GSR: variants seen among roughly 807,000 people sequenced by gnomAD.
GSR encodes glutathione reductase, mitochondrial.
A neutral mutation model predicts 56.5 loss-of-function variants in GSR; 48 were observed. The ratio of observed to expected loss-of-function variants is 0.85; its 90% CI spans 0.67 to 1.08. GSR has a LOEUF of 1.08. Among genes scored for constraint, GSR ranks in the 50% least tolerant of loss-of-function variants. The pLI is 0.00. For missense variants in GSR, 694 were observed against 703.3 expected (o/e 0.99, Z 0.15); for synonymous variants, 264 against 270.8 (o/e 0.97, Z 0.25).
chr8:30,705,557 C>A (rs1038860508), intron 4 of GSR, among the ~76,000 whole-genome samples: 1 of 151,994 alleles, frequency 6.6e-6, no homozygotes, highest in South Asian at 2.1e-4. Flanking sequence ...CCACCGCGCC[C>A]GGCCTCTACA....
intron 9 of GSR, among the ~76,000 whole-genome samples, chr8:30,684,755 T>C (rs1803095574): frequency 6.6e-6 from 1 of 151,906 alleles, no homozygotes; most frequent in Non-Finnish European, 1.5e-5. Flanking sequence ...TATGTTTATT[T>C]AGTTTTTTTT....
Position 30,727,783 on chromosome 8 carries a change from CG to C in GSR, c.52del (p.Arg18GlyfsTer52). The stretch of plus-strand genomic sequence containing the variant: ...GAAGCCTCGGAAGGCGCGCGCCGCC[CG>C]CCGCCAGCTCGGTCCCGCGCCGGCG... ...LSAGAGPSWR[R>X]AARAFRGFLL... On this transcript the variant is annotated frameshift_variant, in exon 1 of 13. Transcript: ENST00000221130. LOFTEE classifies it high-confidence loss of function. 7.4e-7 allele frequency: 1 copy of C among 1,354,396 alleles called. No individual in the cohort carries two copies. Among genetic ancestry groups the C allele is most frequent in the South Asian group, 1.7e-5 (1 of 57,528 alleles). The allele number at this position is 1,354,396 out of a possible 1,614,324, so 83.9% of individuals were successfully genotyped here.
intron 1 of GSR, among the ~76,000 whole-genome samples, chr8:30,718,747 C>T (rs945580118): frequency 2.6e-5 from 4 of 151,914 alleles, no homozygotes; most frequent in Non-Finnish European, 5.9e-5. Flanking sequence ...GGATAAGAAA[C>T]AAGTTTCTTT....
At chr8:30,695,718 A>G (rs1034441523) in intron 7 of GSR, among the ~76,000 whole-genome samples, 1 of 152,172 alleles carries the variant, frequency 6.6e-6, no homozygotes, top group South Asian at 2.1e-4. Context: ...ACATTACTTG[A>G]TCATATAAAA....
chr8:30,712,624 T>C (rs1804193361), intron 1 of GSR, among the ~76,000 whole-genome samples: 1 of 151,540 alleles, frequency 6.6e-6, no homozygotes, highest in Non-Finnish European at 1.5e-5. Context: ...CAGTAAGCCA[T>C]GATCATGATC....
At position 30,696,382 on chromosome 8, in the gene GSR, T is replaced by G; in HGVS notation, c.793A>C (p.Lys265Gln). ...GAAAAGAAAAAGGTGGCATTTACCTTATCATGCCGTATCATCAGTGATGTC... is the reference window on the plus strand; with the variant it reads ...GAAAAGAAAAAGGTGGCATTTACCTGATCATGCCGTATCATCAGTGATGTC... ...SKTSLMIRHD[K>Q]VLRSFDSMIS... Residue 265 changes from lysine (K) to glutamine (Q), a missense_variant and splice_region_variant, in exon 7 of 13, where the codon AAG becomes CAG. Physicochemically the swap from Lys to Gln is moderately conservative, Grantham distance 53 (BLOSUM62 1). Transcript: ENST00000221130. 6.4e-7 allele frequency: 1 copy of G among 1,572,228 alleles called. No homozygotes were observed. The highest frequency in any genetic ancestry group is 8.8e-7 in the Non-Finnish European group (1 of 1,141,812).
rs927040745 is a variant in GSR at position 30,689,235 on chromosome 8, T to G, written c.967A>C (p.Ile323Leu). 4 of 1,613,940 alleles carry G rather than the reference T, an allele frequency of 2.5e-6. No individual in the cohort carries two copies. Among genetic ancestry groups the G allele is most frequent in the Non-Finnish European group, 3.4e-6 (4 of 1,179,808 alleles). The change falls in exon 9 of 13, where the codon ATT (isoleucine) becomes CTT (leucine). Residue 323 changes from isoleucine (I) to leucine (L), a missense_variant. Transcript: ENST00000221130. The part of the protein sequence containing the change: ...VPGRLPVMTM[I>L]PDVDCLLWAI... ...CAGAGCAGGCAGTCAACATCTGGAA[T>G]CATGGTCATGACTGGTAGCCTACCG...
chr8:30,709,994 A>G, intron 2 of GSR, 92 bp from the exon 3 acceptor site: 1 of 743,334 alleles, frequency 1.3e-6, no homozygotes, highest in Non-Finnish European at 2.3e-6. Flanking sequence ...ACTAGGTAAC[A>G]GCAGATAAAA....
At chr8:30,682,303 A>G (rs1011259703) in intron 10 of GSR, among the ~76,000 whole-genome samples, 2 of 152,228 alleles carry the variant, frequency 1.3e-5, no homozygotes, top group African/African-American at 4.8e-5. Context: ...TCCCTAATCC[A>G]GAAATTCAAA....
At position 30,727,769 on chromosome 8, in the gene GSR, A is replaced by C. The variant is rs1794320051; in HGVS notation, c.67T>G (p.Phe23Val). Reference sequence around the variant, plus strand: ...GGCAGAAGCAGCAGGAAGCCTCGGAAGGCGCGCGCCGCCCGCCGCCAGCTC... The same window carrying C: ...GGCAGAAGCAGCAGGAAGCCTCGGACGGCGCGCGCCGCCCGCCGCCAGCTC... ...GPSWRRAARAFRGFLLLLPEP... is the reference protein window; with the variant it reads ...GPSWRRAARAVRGFLLLLPEP... The change falls in exon 1 of 13, where the codon TTC (phenylalanine) becomes GTC (valine). Residue 23 changes from phenylalanine to valine, a missense_variant. Phe to Val is a conservative substitution (Grantham distance 50). Transcript: ENST00000221130. 7.3e-7 allele frequency: 1 copy of C among 1,366,378 alleles called. No individual in the cohort carries two copies. The highest frequency in any genetic ancestry group is 1.7e-5 in the South Asian group (1 of 59,256). 84.6% of individuals were successfully genotyped at this position (1,366,378 alleles called of 1,614,324 possible). A position where few individuals can be genotyped will look rare whatever the true frequency, so the allele number is the denominator to read the frequency against.
At chr8:30,698,583 T>C (rs1439721385) in intron 6 of GSR, among the ~76,000 whole-genome samples, 1 of 152,202 alleles carries the variant, frequency 6.6e-6, no homozygotes, top group Non-Finnish European at 1.5e-5. Context: ...TCAAGGGACA[T>C]TTTCACCATC....
chr8:30,723,114 G>T (rs368045046), intron 1 of GSR, among the ~76,000 whole-genome samples: 12 of 152,068 alleles, frequency 7.9e-5, no homozygotes, highest in African/African-American at 2.7e-4. Flanking sequence ...ACCCAGGACC[G>T]CAAGTTCCCC....
At chr8:30,716,584 G>T (rs530456217) in intron 1 of GSR, among the ~76,000 whole-genome samples, 1 of 152,292 alleles carries the variant, frequency 6.6e-6, no homozygotes, top group South Asian at 2.1e-4. Flanking sequence ...AAGGCAGGTG[G>T]ATCGCTTGAG....
At chr8:30,712,239 A>G (rs1257375415) in intron 1 of GSR, 151 bp from the exon 2 acceptor site, 5 of 562,050 alleles carry the variant, frequency 8.9e-6, no homozygotes, top group African/African-American at 1.9e-5. Flanking sequence ...TCTTTGTTAC[A>G]AAAAGATAAG....
intron 1 of GSR, among the ~76,000 whole-genome samples, chr8:30,721,069 C>G (rs1220332902): frequency 6.6e-6 from 1 of 152,050 alleles, no homozygotes; most frequent in African/African-American, 2.4e-5. Flanking sequence ...GCACTCCAGC[C>G]TGGGCGACAG....
intron 1 of GSR, among the ~76,000 whole-genome samples, chr8:30,725,311 C>T (rs567359794): frequency 9.2e-4 from 139 of 151,676 alleles, no homozygotes; most frequent in African/African-American, 3.0e-3. Context: ...ACAGGCCAGG[C>T]GTGGTGGCTC....
At chr8:30,682,938 C>T (rs1803008757) in intron 10 of GSR, among the ~76,000 whole-genome samples, 1 of 152,072 alleles carries the variant, frequency 6.6e-6, no homozygotes, top group Admixed American at 6.6e-5. Context: ...AGCAATTCTC[C>T]TGCCTCAGCC....
intron 4 of GSR, chr8:30,704,863 T>C (rs765857612): frequency 6.6e-6 from 1 of 152,170 alleles, no homozygotes; most frequent in Non-Finnish European, 1.5e-5. Flanking sequence ...TCATCTGCAA[T>C]GCTAGACAAA....
chr8:30,708,521 G>A (rs183712135), intron 3 of GSR, among the ~76,000 whole-genome samples: 95 of 152,298 alleles, frequency 6.2e-4, no homozygotes, highest in Middle Eastern at 3.4e-3. Context: ...ATTTACAGCA[G>A]TTCCTTAAAT....
Sources: gnomAD v4.1 joint callset for allele counts (sites outside exome capture counted in the v4.1 genomes callset) on GRCh38, gnomAD v4.1.1 for gene constraint, MANE v1.5 for transcripts, NCBI Gene and HGNC (gene_info 2026-07-23, HGNC 2026-07-21) for gene names.